The following STXBP5L variants were observed in gnomAD, a reference collection of about 807,000 sequenced individuals.
STXBP5L encodes syntaxin-binding protein 5-like.
STXBP5L carries 65 observed loss-of-function variants against 144.5 expected under a neutral mutation model. The ratio of observed to expected loss-of-function variants is 0.45; its 90% CI spans 0.37 to 0.55. The LOEUF is 0.55. Among genes scored for constraint, STXBP5L ranks in the 20% least tolerant of loss-of-function variants. The probability of loss-of-function intolerance (pLI) is 0.00; values close to 1 mark genes in which losing one functional copy is unlikely to be tolerated. For synonymous variants in STXBP5L, 505 were observed against 469.6 expected (o/e 1.08, Z -0.97); for missense variants, 1,298 against 1,405.5 (o/e 0.92, Z 1.22).
At chr3:121,257,361 A>G (rs1193052966) in intron 17 of STXBP5L, 28 bp downstream of exon 17, 1 of 1,562,704 alleles carries the variant, frequency 6.4e-7, no homozygotes, top group East Asian at 2.2e-5. Context: ...ATTTTCAAAC[A>G]ATTTTAGATA....
chr3:121,135,091 C>T (rs138166397), intron 7 of STXBP5L, among the ~76,000 whole-genome samples: 5,411 of 152,120 alleles, frequency 0.036, 144 homozygotes, highest in Middle Eastern at 0.082. Flanking sequence ...TTTTAATGAT[C>T]GCCATTCTAA....
chr3:121,079,443 C>T (rs887638772), intron 5 of STXBP5L, among the ~76,000 whole-genome samples: 13 of 152,158 alleles, frequency 8.5e-5, no homozygotes, highest in Middle Eastern at 3.2e-3. Context: ...CTGTCCACAG[C>T]GAGAAGACAG....
chr3:120,956,122 A>G (rs575517614), intron 3 of STXBP5L, among the ~76,000 whole-genome samples: 9 of 152,024 alleles, frequency 5.9e-5, no homozygotes, highest in Non-Finnish European at 1.0e-4. Context: ...TTTTGTGTGA[A>G]CCTAAGTTTT....
intron 9 of STXBP5L, among the ~76,000 whole-genome samples, chr3:121,205,643 A>G (rs1229185537): frequency 2.0e-5 from 3 of 152,226 alleles, no homozygotes; most frequent in Admixed American, 2.0e-4. Context: ...ATAACTCCAC[A>G]TGAAATTAGA....
At chr3:120,957,783 C>T (rs1938214852) in intron 3 of STXBP5L, among the ~76,000 whole-genome samples, 1 of 151,978 alleles carries the variant, frequency 6.6e-6, no homozygotes, top group Admixed American at 6.6e-5. Flanking sequence ...ATTTATAGCA[C>T]TAAATGCCCA....
Position 121,407,286 on chromosome 3 carries a change from T to C in STXBP5L, c.2631T>C (p.Cys877=), listed in dbSNP as rs760209499. ...AAGGAGCTGTGCTAACATTCTCCTGTATGGACCGAATGGGTGGATTAATGC... is the reference window on the plus strand; with the variant it reads ...AAGGAGCTGTGCTAACATTCTCCTGCATGGACCGAATGGGTGGATTAATGC... ...SLKGAVLTFS[C]MDRMGGLMQP... Residue 877 remains cysteine (C), a synonymous_variant, in exon 23 of 27, where the codon TGT becomes TGC. Coordinates refer to ENST00000471454, the MANE Select transcript of STXBP5L (RefSeq NM_001308330.2). The C allele has an allele frequency of 1.9e-6, 3 of 1,607,382 alleles. No homozygotes were observed. Among genetic ancestry groups the C allele is most frequent in the Non-Finnish European group, 2.5e-6 (3 of 1,176,876 alleles).
At chr3:121,350,791 G>A (rs1388696185) in intron 20 of STXBP5L, among the ~76,000 whole-genome samples, 1 of 152,112 alleles carries the variant, frequency 6.6e-6, no homozygotes, top group Non-Finnish European at 1.5e-5. Context: ...TTGTTCTCAT[G>A]CCATGGTTTT....
intron 20 of STXBP5L, among the ~76,000 whole-genome samples, chr3:121,376,460 G>A (rs1301724270): frequency 3.9e-5 from 6 of 152,132 alleles, no homozygotes; most frequent in African/African-American, 1.2e-4. Context: ...CGGCTAGCCG[G>A]TTTTCCCAGC....
intron 3 of STXBP5L, among the ~76,000 whole-genome samples, chr3:120,986,156 G>A (rs1455341663): frequency 6.6e-6 from 1 of 151,790 alleles, no homozygotes; most frequent in Non-Finnish European, 1.5e-5. Context: ...TCAATTGGTT[G>A]TTTAACAGTG....
intron 20 of STXBP5L, among the ~76,000 whole-genome samples, chr3:121,355,059 G>T (rs1008192924): frequency 1.3e-5 from 2 of 152,254 alleles, no homozygotes; most frequent in Non-Finnish European, 2.9e-5. Flanking sequence ...GAGATCCGCT[G>T]TTAGTCTGAT....
chr3:121,089,235 A>C (rs998986930), intron 5 of STXBP5L, among the ~76,000 whole-genome samples: 1 of 150,250 alleles, frequency 6.7e-6, no homozygotes. Context: ...AGTTTCTTCT[A>C]TTAGATATTT....
chr3:121,017,246 C>G (rs752772437), intron 3 of STXBP5L, among the ~76,000 whole-genome samples: 18 of 152,148 alleles, frequency 1.2e-4, no homozygotes, highest in Middle Eastern at 3.2e-3. Context: ...CACACCCACA[C>G]ATGATAAAAA....
intron 7 of STXBP5L, among the ~76,000 whole-genome samples, chr3:121,128,701 T>C (rs1026474153): frequency 3.9e-5 from 6 of 152,054 alleles, no homozygotes; most frequent in African/African-American, 2.4e-5. Flanking sequence ...TAATATACCA[T>C]GATGTTTATA....
At chr3:120,929,408 T>C (rs1370962144) in intron 2 of STXBP5L, among the ~76,000 whole-genome samples, 1 of 152,226 alleles carries the variant, frequency 6.6e-6, no homozygotes, top group Admixed American at 6.5e-5. Context: ...GGATCTTATA[T>C]AGAATTTTAC....
At chr3:120,970,721 T>C (rs1052249713) in intron 3 of STXBP5L, among the ~76,000 whole-genome samples, 1 of 152,124 alleles carries the variant, frequency 6.6e-6, no homozygotes, top group East Asian at 1.9e-4. Flanking sequence ...GATTTTGGAA[T>C]TTTTAAACCA....
chr3:121,261,875 A>G (rs994269253), intron 18 of STXBP5L, among the ~76,000 whole-genome samples: 18 of 152,214 alleles, frequency 1.2e-4, no homozygotes, highest in African/African-American at 4.3e-4. Flanking sequence ...GCTTAACAAA[A>G]TATCTTACAA....
chr3:121,165,478 T>G (rs912760088), intron 9 of STXBP5L, among the ~76,000 whole-genome samples: 2 of 152,208 alleles, frequency 1.3e-5, no homozygotes, highest in African/African-American at 4.8e-5. Flanking sequence ...TATTACAATT[T>G]TATCCGTACC....
chr3:121,343,200 T>C (rs1428823950), intron 20 of STXBP5L, among the ~76,000 whole-genome samples: 3 of 152,286 alleles, frequency 2.0e-5, no homozygotes, highest in Non-Finnish European at 4.4e-5. Context: ...GGTTGTTTTT[T>C]TCTTGTAAAT....
intron 3 of STXBP5L, among the ~76,000 whole-genome samples, chr3:120,972,631 A>T (rs922430181): frequency 6.6e-6 from 1 of 152,006 alleles, no homozygotes; most frequent in Non-Finnish European, 1.5e-5. Context: ...GGAAGCTGGC[A>T]TTCTTGTCTT....
Sources: gnomAD v4.1 joint callset for allele counts (sites outside exome capture counted in the v4.1 genomes callset) on GRCh38, gnomAD v4.1.1 for gene constraint, MANE v1.5 for transcripts, NCBI Gene and HGNC (gene_info 2026-07-23, HGNC 2026-07-21) for gene names.